Variants in BBS9 observed in about 807,000 individuals in gnomAD.
The protein encoded by BBS9 is Bardet-Biedl syndrome 9.
Under a neutral mutation model 117.7 loss-of-function variants are expected in BBS9, and 89 were observed. The ratio of observed to expected loss-of-function variants is 0.76; its 90% CI spans 0.64 to 0.90. The LOEUF is 0.90. Ranked by LOEUF, BBS9 falls within the 40% of genes least tolerant of loss-of-function variation. The probability of loss-of-function intolerance (pLI) is 0.00; values close to 1 mark genes in which losing one functional copy is unlikely to be tolerated. For synonymous variants in BBS9, 379 were observed against 370.9 expected (o/e 1.02, Z -0.25); for missense variants, 982 against 1,042.2 (o/e 0.94, Z 0.80).
At chr7:33,634,261 G>T (rs965250508) in intron 21 of BBS9, among the ~76,000 whole-genome samples, 18 of 152,206 alleles carry the variant, frequency 1.2e-4, no homozygotes, top group Non-Finnish European at 4.4e-5. Flanking sequence ...AGGAGGACAA[G>T]ACCCAACAGA....
At chr7:33,290,569 C>T (rs1033364393) in intron 9 of BBS9, among the ~76,000 whole-genome samples, 5 of 152,102 alleles carry the variant, frequency 3.3e-5, no homozygotes, top group Admixed American at 6.5e-5. Flanking sequence ...TTAAAAAAGG[C>T]AAAATTTAGA....
At chr7:33,340,846 A>G (rs758408093) in intron 10 of BBS9, 51 bp from the exon 11 acceptor site, 1 of 1,499,868 alleles carries the variant, frequency 6.7e-7, no homozygotes, top group South Asian at 1.2e-5. Context: ...AAAACTATAT[A>G]TAGAAAGTTT....
chr7:33,351,687 C>T (rs1818676142), intron 14 of BBS9, among the ~76,000 whole-genome samples: 1 of 151,970 alleles, frequency 6.6e-6, no homozygotes, highest in South Asian at 2.1e-4. Flanking sequence ...TATTTCATGA[C>T]CAGGAAGAAT....
chr7:33,581,129 A>G (rs1859824686), intron 21 of BBS9, among the ~76,000 whole-genome samples: 1 of 151,804 alleles, frequency 6.6e-6, no homozygotes, highest in South Asian at 2.1e-4. Context: ...AGAGAGTGAG[A>G]AGAATCTTTT....
At chr7:33,490,496 A>G (rs1305131405) in intron 19 of BBS9, among the ~76,000 whole-genome samples, 1 of 152,266 alleles carries the variant, frequency 6.6e-6, no homozygotes, top group Non-Finnish European at 1.5e-5. Context: ...TCTTTTGGCT[A>G]GTTTTATAGT....
chr7:33,452,096 A>G (rs1837967290), intron 19 of BBS9, among the ~76,000 whole-genome samples: 1 of 152,138 alleles, frequency 6.6e-6, no homozygotes, highest in Non-Finnish European at 1.5e-5. Context: ...AGCCTCCCCA[A>G]GTGCTGGAAT....
intron 19 of BBS9, among the ~76,000 whole-genome samples, chr7:33,414,099 C>G (rs11773450): frequency 0.15 from 23,484 of 152,150 alleles, 2,276 homozygotes; most frequent in South Asian, 0.21. Flanking sequence ...AACCCAGCTT[C>G]CCAGAGGAGA....
intron 21 of BBS9, among the ~76,000 whole-genome samples, chr7:33,536,430 C>T (rs1851381839): frequency 6.6e-6 from 1 of 152,130 alleles, no homozygotes; most frequent in Non-Finnish European, 1.5e-5. Flanking sequence ...TTTTCCCATG[C>T]TTTATCTCTG....
At position 33,155,707 on chromosome 7, in the gene BBS9, G is replaced by T; in HGVS notation, c.328+5G>T. On this transcript the variant is annotated splice_donor_5th_base_variant and intron_variant, in intron 4 of 22. Transcript: ENST00000242067. ...TTTGTGTCTACTCTGTCTCAGGTAA[G>T]AAATATTTTTACCAATGTAGAATTT... 1 of 1,466,722 alleles carries T rather than the reference G, an allele frequency of 6.8e-7. No homozygotes were observed. Among genetic ancestry groups the T allele is most frequent in the Non-Finnish European group, 9.5e-7 (1 of 1,051,906 alleles). 90.9% of individuals were successfully genotyped at this position (1,466,722 alleles called of 1,614,324 possible).
chr7:33,590,459 G>T (rs28394456), intron 21 of BBS9, among the ~76,000 whole-genome samples: 1,611 of 101,176 alleles, frequency 0.016, 19 homozygotes, highest in Middle Eastern at 0.034. Context: ...TTGTTTTTTT[G>T]TTTTTTTTTT....
At chr7:33,517,339 A>G (rs1407824653) in intron 20 of BBS9, among the ~76,000 whole-genome samples, 2 of 152,176 alleles carry the variant, frequency 1.3e-5, no homozygotes, top group African/African-American at 2.4e-5. Context: ...ACCTCTCACC[A>G]TTCCTGAATG....
intron 19 of BBS9, among the ~76,000 whole-genome samples, chr7:33,476,154 C>A (rs1210169407): frequency 6.6e-6 from 1 of 151,958 alleles, no homozygotes; most frequent in Non-Finnish European, 1.5e-5. Flanking sequence ...TCAAAAAGAA[C>A]ATTAATAGAA....
At chr7:33,428,004 T>C (rs576664242) in intron 19 of BBS9, among the ~76,000 whole-genome samples, 1 of 152,304 alleles carries the variant, frequency 6.6e-6, no homozygotes, top group African/African-American at 2.4e-5. Context: ...GACTTCAATA[T>C]CCAGTTTTCT....
chr7:33,205,724 T>G (rs962786735), intron 5 of BBS9, among the ~76,000 whole-genome samples: 1 of 152,156 alleles, frequency 6.6e-6, no homozygotes, highest in Non-Finnish European at 1.5e-5. Context: ...ATTTATGTCT[T>G]ATTTTCCTGT....
At chr7:33,285,301 TCATGGGTTC>T (rs1802662928) in intron 9 of BBS9, among the ~76,000 whole-genome samples, 1 of 152,166 alleles carries the variant, frequency 6.6e-6, no homozygotes, top group Non-Finnish European at 1.5e-5. Flanking sequence ...CTCTTGGCTT[TCATGGGTTC>T]CTATCAAAAG....
At chr7:33,150,985 A>T (rs1312871889) in intron 2 of BBS9, among the ~76,000 whole-genome samples, 1 of 152,176 alleles carries the variant, frequency 6.6e-6, no homozygotes, top group South Asian at 2.1e-4. Context: ...ACCGCATTTC[A>T]GGTCAAGAAC....
chr7:33,460,427 T>C (rs1839294492), intron 19 of BBS9, among the ~76,000 whole-genome samples: 1 of 152,102 alleles, frequency 6.6e-6, no homozygotes, highest in African/African-American at 2.4e-5. Context: ...TAAACCATTT[T>C]AGGTACAAGG....
At chr7:33,597,066 C>G (rs1280722040) in intron 21 of BBS9, among the ~76,000 whole-genome samples, 1 of 128,654 alleles carries the variant, frequency 7.8e-6, no homozygotes, top group African/African-American at 3.5e-5. Flanking sequence ...CTCTCTCTCT[C>G]TGTCACACAC....
intron 21 of BBS9, among the ~76,000 whole-genome samples, chr7:33,589,005 A>T (rs1223535366): frequency 6.6e-6 from 1 of 152,144 alleles, no homozygotes. Context: ...TGAAGGAATG[A>T]CATGACTTTA....
Sources: allele counts gnomAD v4.1 joint callset (sites outside exome capture counted in the v4.1 genomes callset), GRCh38; gene constraint gnomAD v4.1.1; transcripts MANE v1.5; gene names NCBI Gene and HGNC (gene_info 2026-07-23, HGNC 2026-07-21).